Variants in LRRC4C observed in about 807,000 individuals in gnomAD.
The protein encoded by LRRC4C is leucine rich repeat containing 4C, also known as leucine-rich repeat-containing protein 4C.
LRRC4C carries 5 observed loss-of-function variants against 33.6 expected under a neutral mutation model. The ratio of observed to expected loss-of-function variants is 0.15; its 90% CI spans 0.08 to 0.31. The LOEUF (loss-of-function observed/expected upper bound fraction) is 0.31. Among genes scored for constraint, LRRC4C ranks in the 10% least tolerant of loss-of-function variants. The pLI is 1.00. For synonymous variants in LRRC4C, 329 were observed against 302.0 expected, an observed-to-expected ratio of 1.09 and a Z score of -0.93; for missense variants, 560 against 796.7, an observed-to-expected ratio of 0.70 and a Z score of 3.58.
At chr11:41,249,034 G>T (rs1948545618) in intron 1 of LRRC4C, among the ~76,000 whole-genome samples, 1 of 145,340 alleles carries the variant, frequency 6.9e-6, no homozygotes, top group Non-Finnish European at 1.5e-5. Flanking sequence ...TTAAGATACT[G>T]TCTTCTTTTT....
intron 2 of LRRC4C, among the ~76,000 whole-genome samples, chr11:40,922,784 T>C (rs955608085): frequency 2.6e-5 from 4 of 152,196 alleles, no homozygotes; most frequent in Non-Finnish European, 2.9e-5. Context: ...TAGTTGATTG[T>C]GTTGGGTAGT....
intron 1 of LRRC4C, among the ~76,000 whole-genome samples, chr11:41,270,258 C>G (rs1481021918): frequency 6.6e-6 from 1 of 152,076 alleles, no homozygotes; most frequent in African/African-American, 2.4e-5. Flanking sequence ...CTGCACGTAT[C>G]CCATTAGTAA....
intron 2 of LRRC4C, among the ~76,000 whole-genome samples, chr11:40,817,411 C>G (rs1415323624): frequency 6.6e-6 from 1 of 152,154 alleles, no homozygotes; most frequent in Non-Finnish European, 1.5e-5. Context: ...CATAATGATA[C>G]TGGGATCTGA....
At chr11:40,962,471 T>C (rs1372342013) in intron 1 of LRRC4C, among the ~76,000 whole-genome samples, 3 of 151,730 alleles carry the variant, frequency 2.0e-5, no homozygotes, top group Non-Finnish European at 3.0e-5. Flanking sequence ...TGGTCTAGGA[T>C]TTAGTGTAAC....
At chr11:41,429,389 T>C (rs909831519) in intron 1 of LRRC4C, among the ~76,000 whole-genome samples, 2 of 152,044 alleles carry the variant, frequency 1.3e-5, no homozygotes, top group Non-Finnish European at 2.9e-5. Flanking sequence ...CCTTTGGTGG[T>C]TTAAACTATG....
At chr11:40,619,529 C>A (rs11035962) in intron 3 of LRRC4C, among the ~76,000 whole-genome samples, 20,037 of 151,658 alleles carry the variant, frequency 0.13, 1,528 homozygotes, top group Non-Finnish European at 0.18. Context: ...GTAGCTTTTC[C>A]ATCCCTAGAA....
In LRRC4C at chr11:41,101,688, A is replaced by G. The variant is rs116706630; in HGVS notation, c.-495-167965T>C. Among the ~76,000 whole-genome samples the G allele has an allele frequency of 3.4e-3, 511 of 152,324 alleles. 2 individuals carry two copies. The highest frequency in any genetic ancestry group is 0.011 in the African/African-American group (468 of 41,578). ...ATATAAATCCTTTTACCATGAAGAC[A>G]CATGCACACATATGTTCACTGCAGC... is the stretch of plus-strand genomic sequence containing the variant. On this transcript the variant is annotated intron_variant, in intron 1 of 6. Transcript: ENST00000528697.
intron 3 of LRRC4C, among the ~76,000 whole-genome samples, chr11:40,524,356 G>GTT (rs1398051778): frequency 6.6e-6 from 1 of 152,108 alleles, no homozygotes; most frequent in Non-Finnish European, 1.5e-5. Context: ...TGGTGATGAA[G>GTT]TTACTTTTCT....
intron 3 of LRRC4C, among the ~76,000 whole-genome samples, chr11:40,455,022 A>C (rs1454626579): frequency 6.6e-6 from 1 of 152,130 alleles, no homozygotes; most frequent in Non-Finnish European, 1.5e-5. Context: ...CCTTGGGCAT[A>C]CTATGCATGA....
chr11:40,527,952 G>T (rs1285247897), intron 3 of LRRC4C, among the ~76,000 whole-genome samples: 2 of 152,104 alleles, frequency 1.3e-5, no homozygotes, highest in East Asian at 3.9e-4. Context: ...CTCCATGTTG[G>T]TTAGGCTGGT....
At chr11:41,268,487 C>T (rs1949221671) in intron 1 of LRRC4C, among the ~76,000 whole-genome samples, 1 of 152,078 alleles carries the variant, frequency 6.6e-6, no homozygotes, top group Non-Finnish European at 1.5e-5. Context: ...TCAGGTAATG[C>T]TATCATGCTT....
chr11:40,452,974 C>T (rs1370890311), intron 3 of LRRC4C, among the ~76,000 whole-genome samples: 13 of 141,160 alleles, frequency 9.2e-5, no homozygotes, highest in East Asian at 2.1e-4. Context: ...CGGTGGGAAT[C>T]GAACAATGAG....
intron 1 of LRRC4C, among the ~76,000 whole-genome samples, chr11:41,184,532 C>A (rs1035113904): frequency 6.6e-6 from 1 of 152,182 alleles, no homozygotes; most frequent in Non-Finnish European, 1.5e-5. Context: ...TCCTCAACTT[C>A]ATCTGAGACC....
chr11:40,341,103 A>G (rs1331640162), intron 3 of LRRC4C, among the ~76,000 whole-genome samples: 1 of 152,116 alleles, frequency 6.6e-6, no homozygotes, highest in African/African-American at 2.4e-5. Context: ...ACAGTCAAAA[A>G]CCCTAAAACG....
At chr11:40,761,145 C>T (rs1176576470) in intron 2 of LRRC4C, among the ~76,000 whole-genome samples, 1 of 151,918 alleles carries the variant, frequency 6.6e-6, no homozygotes, top group Non-Finnish European at 1.5e-5. Context: ...TAGTGGAGAA[C>T]ATATAGTGTT....
At position 41,395,524 on chromosome 11, in the gene LRRC4C, G is replaced by T. The variant is rs191988517; in HGVS notation, c.-496+63907C>A. Among the ~76,000 whole-genome samples, 892 of 151,978 alleles carry T rather than the reference G, an allele frequency of 5.9e-3. 7 individuals carry two copies. The highest frequency in any genetic ancestry group is 0.021 in the African/African-American group (862 of 41,480). ...TGAATAATCAAATAATAATACAAAAGAAATCATTAGTGTCTTAAATTACAG... is the reference window on the plus strand; with the variant it reads ...TGAATAATCAAATAATAATACAAAATAAATCATTAGTGTCTTAAATTACAG... On this transcript the variant is annotated intron_variant, in intron 1 of 6. Coordinates refer to ENST00000528697, the MANE Select transcript of LRRC4C (RefSeq NM_001258419.2).
intron 1 of LRRC4C, among the ~76,000 whole-genome samples, chr11:41,029,361 T>C (rs969932928): frequency 6.6e-6 from 1 of 151,772 alleles, no homozygotes; most frequent in Non-Finnish European, 1.5e-5. Flanking sequence ...TTTAAAACAA[T>C]ATGTGGGCCT....
rs72895043 is a variant in LRRC4C at position 40,367,964 on chromosome 11, C to G, written c.-269-48243G>C. On this transcript the variant is annotated intron_variant, in intron 3 of 6. Transcript: ENST00000528697. ...AAGACATCAACAAAGATCCAAAATT[C>G]CAGATATTGATTGAACTACACCCCC... Among the ~76,000 whole-genome samples, 606 of 152,182 alleles carry G rather than the reference C, an allele frequency of 4.0e-3. 2 individuals carry two copies. The highest frequency in any genetic ancestry group is 6.8e-3 in the Non-Finnish European group (459 of 67,970).
At chr11:41,244,708 G>T (rs1432180842) in intron 1 of LRRC4C, among the ~76,000 whole-genome samples, 1 of 152,118 alleles carries the variant, frequency 6.6e-6, no homozygotes, top group African/African-American at 2.4e-5. Context: ...TGTTTACTAG[G>T]TTTTAACAGT....
Sources: allele counts gnomAD v4.1 joint callset (sites outside exome capture counted in the v4.1 genomes callset), GRCh38; gene constraint gnomAD v4.1.1; transcripts MANE v1.5; gene names NCBI Gene and HGNC (gene_info 2026-07-23, HGNC 2026-07-21).